RGS6: variants seen among roughly 807,000 people sequenced by gnomAD.
RGS6 encodes the protein regulator of G protein signaling 6.
A neutral mutation model predicts 78.5 loss-of-function variants in RGS6; 30 were observed. The ratio of observed to expected loss-of-function variants is 0.38; its 90% CI spans 0.29 to 0.52. The LOEUF (loss-of-function observed/expected upper bound fraction) is 0.52, where lower values mean the gene tolerates loss of function less well. Among genes scored for constraint, RGS6 ranks in the 20% least tolerant of loss-of-function variants. The probability of loss-of-function intolerance (pLI) is 0.85; values close to 1 mark genes in which losing one functional copy is unlikely to be tolerated. For synonymous variants in RGS6, 206 were observed against 206.0 expected, an observed-to-expected ratio of 1.00 and a Z score of 0.00; for missense variants, 495 against 609.7, an observed-to-expected ratio of 0.81 and a Z score of 1.98.
chr14:72,062,602 T>C (rs1028221648), intron 2 of RGS6, among the ~76,000 whole-genome samples: 2 of 152,198 alleles, frequency 1.3e-5, no homozygotes, highest in African/African-American at 4.8e-5. Context: ...CTATTAGGAC[T>C]TTGTGATTTG....
intron 3 of RGS6, among the ~76,000 whole-genome samples, chr14:72,431,219 A>G (rs2094618604): frequency 6.6e-6 from 1 of 152,232 alleles, no homozygotes. Flanking sequence ...GAACTCTTCA[A>G]TATGGACTGT....
chr14:72,420,510 G>A (rs1228884147), intron 3 of RGS6, among the ~76,000 whole-genome samples: 1 of 152,142 alleles, frequency 6.6e-6, no homozygotes, highest in Non-Finnish European at 1.5e-5. Flanking sequence ...TATGATTCCT[G>A]TTCCCTTCAG....
At chr14:72,462,158 C>T (rs935769239) in intron 6 of RGS6, among the ~76,000 whole-genome samples, 3 of 152,168 alleles carry the variant, frequency 2.0e-5, no homozygotes, top group Non-Finnish European at 4.4e-5. Flanking sequence ...CTGTCAAATT[C>T]TATGTCAGAG....
intron 3 of RGS6, among the ~76,000 whole-genome samples, chr14:72,408,630 C>T (rs1414334145): frequency 2.0e-5 from 3 of 152,062 alleles, no homozygotes; most frequent in Non-Finnish European, 4.4e-5. Context: ...TTTTATAGAC[C>T]AAGAGTTTAG....
intron 2 of RGS6, among the ~76,000 whole-genome samples, chr14:72,076,555 G>A (rs895633848): frequency 2.0e-5 from 3 of 151,882 alleles, no homozygotes; most frequent in Admixed American, 6.6e-5. Context: ...TTGAGACAGC[G>A]TTTCACTCTG....
At chr14:72,582,314 G>A in the RGS6 span, among the ~76,000 whole-genome samples, 10 of 152,104 alleles carry the variant, frequency 6.6e-5, no homozygotes, top group South Asian at 2.1e-4. Flanking sequence ...TATCTCCCCC[G>A]CCTGCTTGTG....
chr14:71,999,661 C>T (rs889633797), intron 2 of RGS6, among the ~76,000 whole-genome samples: 3 of 100,516 alleles, frequency 3.0e-5, no homozygotes, highest in Admixed American at 2.2e-4. Context: ...GTGCTATCCC[C>T]GCAATAGAGT....
chr14:72,056,906 T>C (rs2093645057), intron 2 of RGS6, among the ~76,000 whole-genome samples: 1 of 152,226 alleles, frequency 6.6e-6, no homozygotes, highest in East Asian at 1.9e-4. Context: ...CACAAAAACC[T>C]CATAATTACT....
chr14:72,169,977 G>A (rs1215816240), intron 2 of RGS6, among the ~76,000 whole-genome samples: 1 of 152,168 alleles, frequency 6.6e-6, no homozygotes, highest in Non-Finnish European at 1.5e-5. Flanking sequence ...GCCAGTAGAT[G>A]GAAAGATCTT....
At chr14:72,354,911 TA>T (rs1451560925) in intron 3 of RGS6, among the ~76,000 whole-genome samples, 23 of 152,068 alleles carry the variant, frequency 1.5e-4, no homozygotes, top group African/African-American at 5.1e-4. Context: ...ATATACAGTA[TA>T]ATATAGACTA....
At chr14:71,885,160 G>C in the RGS6 span, among the ~76,000 whole-genome samples, 1 of 152,110 alleles carries the variant, frequency 6.6e-6, no homozygotes. Context: ...CCTACAGAAA[G>C]AGACAAGGGT....
At chr14:72,375,886 C>G (rs1056580120) in intron 3 of RGS6, among the ~76,000 whole-genome samples, 2 of 152,142 alleles carry the variant, frequency 1.3e-5, no homozygotes, top group African/African-American at 4.8e-5. Flanking sequence ...CCTATTAAAC[C>G]TACTCCATAA....
At chr14:72,108,049 A>G (rs1054095087) in intron 2 of RGS6, among the ~76,000 whole-genome samples, 15 of 152,156 alleles carry the variant, frequency 9.9e-5, no homozygotes, top group Admixed American at 6.6e-4. Context: ...TTTGATGGTC[A>G]TCACCATTTT....
chr14:72,246,311 A>G (rs893045180), intron 2 of RGS6, among the ~76,000 whole-genome samples: 2 of 152,250 alleles, frequency 1.3e-5, no homozygotes, highest in Non-Finnish European at 2.9e-5. Context: ...AAGTAGGTTC[A>G]AAATAAACAA....
At chr14:72,264,834 C>T (rs1000454593) in intron 2 of RGS6, among the ~76,000 whole-genome samples, 2 of 152,160 alleles carry the variant, frequency 1.3e-5, no homozygotes, top group African/African-American at 2.4e-5. Flanking sequence ...TTTCCCATCA[C>T]GATATCTCAG....
At position 72,472,765 on chromosome 14, in the gene RGS6, C is replaced by T. The variant is rs2096120043; in HGVS notation, c.537-107C>T. The T allele has an allele frequency of 4.0e-6, 3 of 755,734 alleles. No homozygotes were observed. In the East Asian group the frequency reaches 7.8e-5, roughly 20 times the overall value. The allele number at this position is 755,734 out of a possible 1,614,324, so 46.8% of individuals were successfully genotyped here. ...CAGGCACCATGCAGGTACCAATGGC[C>T]TTGTGTTCACTTAGCCCCTAGCAAC... On this transcript the variant is annotated intron_variant, in intron 8 of 17. Coordinates refer to ENST00000553525, the MANE Select transcript of RGS6 (RefSeq NM_001204424.2).
intron 2 of RGS6, among the ~76,000 whole-genome samples, chr14:72,124,121 G>A (rs1954084453): frequency 6.6e-6 from 1 of 152,206 alleles, no homozygotes; most frequent in Non-Finnish European, 1.5e-5. Flanking sequence ...CAGAGGCACA[G>A]AATGCTGTTC....
chr14:72,486,267 C>T (rs2096486728), intron 12 of RGS6, among the ~76,000 whole-genome samples: 1 of 152,222 alleles, frequency 6.6e-6, no homozygotes, highest in Non-Finnish European at 1.5e-5. Flanking sequence ...TTGGGTATTT[C>T]CTCATAGCAG....
chr14:72,027,166 T>A (rs2090022274), intron 2 of RGS6, among the ~76,000 whole-genome samples: 1 of 151,798 alleles, frequency 6.6e-6, no homozygotes, highest in Non-Finnish European at 1.5e-5. Context: ...TTGCTTCAAG[T>A]CCAACGGGGA....
Sources: allele counts gnomAD v4.1 joint callset (sites outside exome capture counted in the v4.1 genomes callset), GRCh38; gene constraint gnomAD v4.1.1; transcripts MANE v1.5; gene names NCBI Gene and HGNC (gene_info 2026-07-23, HGNC 2026-07-21).